Variants in GPR18 observed in about 807,000 individuals in gnomAD.
GPR18 encodes the protein N-arachidonyl glycine receptor.
In GPR18, 20 loss-of-function variants were observed where a neutral mutation model predicts 22.8. That is an observed-to-expected ratio of 0.88 (90% CI 0.62 to 1.28). GPR18 has a LOEUF of 1.28. Ranked by LOEUF, GPR18 falls within the 50% of genes most tolerant of loss-of-function variation. The pLI is 0.00. For missense variants in GPR18, 379 were observed against 412.0 expected (o/e 0.92, Z 0.69); for synonymous variants, 160 against 155.3 (o/e 1.03, Z -0.22).
Position 99,254,941 on chromosome 13 carries a change from C to T in GPR18, c.932G>A (p.Arg311His), listed in dbSNP as rs767096993. 8.7e-6 allele frequency: 14 copies of T among 1,613,916 alleles called. No individual in the cohort carries two copies. Among genetic ancestry groups the T allele is most frequent in the South Asian group, 6.6e-5 (6 of 91,060 alleles). The change falls in exon 2 of 2, where the codon CGC becomes CAC. Residue 311 changes from arginine (R) to histidine (H), a missense_variant. By Grantham distance (29) the Arg-to-His change is conservative. Transcript: ENST00000397470. Reference protein sequence around the residue: ...MLYRNYLRSMRRKSFRSGSLR... With the variant: ...MLYRNYLRSMHRKSFRSGSLR... ...ACTACCAGATCGGAAACTTTTTCTGCGCATGCTTCGAAGGTAATTACGGTA... is the reference window on the plus strand; with the variant it reads ...ACTACCAGATCGGAAACTTTTTCTGTGCATGCTTCGAAGGTAATTACGGTA...
In GPR18 at chr13:99,255,516, T is replaced by C. The variant is rs758696917; in HGVS notation, c.357A>G (p.Arg119=). The C allele has an allele frequency of 1.5e-5, 24 of 1,614,196 alleles. No individual in the cohort carries two copies. The highest frequency in any genetic ancestry group is 2.0e-5 in the Non-Finnish European group (24 of 1,180,040). The part of the protein sequence containing the change: ...LWLLAFISAD[R]YMAIVQPKYA... The stretch of plus-strand genomic sequence containing the variant: ...ACTTCGGCTGTACAATGGCCATGTA[T>C]CTGTCAGCACTAATAAAGGCAAGAA... The change falls in exon 2 of 2, where the codon AGA becomes AGG. Residue 119 remains arginine (R), a synonymous_variant. Coordinates refer to ENST00000397470, the MANE Select transcript of GPR18 (RefSeq NM_001098200.2).
In GPR18 at chr13:99,255,298, A is replaced by G. The variant is rs766355278; in HGVS notation, c.575T>C (p.Leu192Pro). 3 of 1,614,052 alleles carry G rather than the reference A, an allele frequency of 1.9e-6. No homozygotes were observed. Among genetic ancestry groups the G allele is most frequent in the African/African-American group, 2.7e-5 (2 of 74,908 alleles). Residue 192 changes from leucine to proline, a missense_variant, in exon 2 of 2, where the codon CTG becomes CCG. Coordinates refer to ENST00000397470, the MANE Select transcript of GPR18 (RefSeq NM_001098200.2). ...CAAAGGAATCAAGAAAAAAAATGTC[A>G]GTCGAGTGAGGTTCAGCACGTTCAC... ...KAVNVLNLTRLTFFFLIPLFI... is the reference protein window; with the variant it reads ...KAVNVLNLTRPTFFFLIPLFI...
At position 99,255,843 on chromosome 13, in the gene GPR18, A is replaced by G; in HGVS notation, c.30T>C (p.Pro10=). The G allele has an allele frequency of 6.3e-7, 1 of 1,596,166 alleles. No homozygotes were observed. Among genetic ancestry groups the G allele is most frequent in the Non-Finnish European group, 8.5e-7 (1 of 1,171,790 alleles). Residue 10 remains proline (P), a synonymous_variant, in exon 2 of 2, where the codon CCT becomes CCC. Transcript: ENST00000397470. MITLNNQDQ[P]VPFNSSHPDE... ...CTGGATGTGAGCTGTTAAAAGGGAC[A>G]GGTTGATCTTGATTGTTCAGGGTGA... is the stretch of plus-strand genomic sequence containing the variant.
intron 1 of GPR18, among the ~76,000 whole-genome samples, chr13:99,257,116 T>C (rs1349954689): frequency 6.6e-6 from 1 of 152,180 alleles, no homozygotes; most frequent in Admixed American, 6.6e-5. Flanking sequence ...TTTCTTCCCT[T>C]CTTCTCCTTC....
At chr13:99,256,605 A>G (rs2043562780) in intron 1 of GPR18, 1 of 151,762 alleles carries the variant, frequency 6.6e-6, no homozygotes, top group Non-Finnish European at 1.5e-5. Flanking sequence ...AATTTTAACA[A>G]TTTTCAAAGT....
chr13:99,254,904 T>C lies in GPR18; in HGVS notation c.969A>G (p.Leu323=). Residue 323 remains leucine (L), a synonymous_variant, in exon 2 of 2, where the codon CTA becomes CTG. Transcript: ENST00000397470. Reference sequence around the variant, plus strand: ...ATAACATTTCACTGTTTATATTGCTTAGTGACCGTAGACTACCAGATCGGA... The same window carrying C: ...ATAACATTTCACTGTTTATATTGCTCAGTGACCGTAGACTACCAGATCGGA... ...KSFRSGSLRS[L]SNINSEML The C allele has an allele frequency of 6.2e-7, 1 of 1,613,772 alleles. No homozygotes were observed. Among genetic ancestry groups the C allele is most frequent in the Non-Finnish European group, 8.5e-7 (1 of 1,179,814 alleles).
Position 99,255,070 on chromosome 13 carries a change from C to T in GPR18, c.803G>A (p.Gly268Glu), listed in dbSNP as rs775154268. ...GTGENSYNPW[G>E]AFTTFLMNLS... ...GTTCATGAGGAAGGTGGTAAAGGCT[C>T]CCCAGGGATTGTAACTGTTCTCCCC... Residue 268 changes from glycine (G) to glutamate (E), a missense_variant, in exon 2 of 2, where the codon GGA (glycine) becomes GAA (glutamate). Coordinates refer to ENST00000397470, the MANE Select transcript of GPR18 (RefSeq NM_001098200.2). The T allele has an allele frequency of 8.1e-6, 13 of 1,614,024 alleles. No individual in the cohort carries two copies. Among genetic ancestry groups the T allele is most frequent in the East Asian group, 2.2e-5 (1 of 44,874 alleles).
chr13:99,254,969 G>T lies in GPR18; in HGVS notation c.904C>A (p.Leu302Ile), dbSNP rs367603189. 1.9e-6 allele frequency: 3 copies of T among 1,614,084 alleles called. No homozygotes were observed. In the African/African-American group the frequency reaches 4.0e-5, roughly 22 times the overall value. Reference sequence around the variant, plus strand: ...ATGCTTCGAAGGTAATTACGGTATAGCATGACACTAATGACTCGAGCCTGA... The same window carrying T: ...ATGCTTCGAAGGTAATTACGGTATATCATGACACTAATGACTCGAGCCTGA... ...QFQARVISVMLYRNYLRSMRR... is the reference protein window; with the variant it reads ...QFQARVISVMIYRNYLRSMRR... The change falls in exon 2 of 2, where the codon CTA (leucine) becomes ATA (isoleucine). Residue 302 changes from leucine (L) to isoleucine (I), a missense_variant. Physicochemically the swap from Leu to Ile is conservative, Grantham distance 5. Transcript: ENST00000397470.
At chr13:99,257,380 G>A (rs1400126046) in intron 1 of GPR18, among the ~76,000 whole-genome samples, 5 of 152,022 alleles carry the variant, frequency 3.3e-5, no homozygotes, top group African/African-American at 1.2e-4. Context: ...TTTTGTATTT[G>A]TTTTTCTTTT....
rs538186904 is a variant in GPR18 at position 99,255,542 on chromosome 13, G to A, written c.331C>T (p.Leu111Phe). ...CTGTCAGCACTAATAAAGGCAAGAA[G>A]CCATAAAGCAATGCTTGGGTAAAAC... ...TVFYPSIALW[L>F]LAFISADRYM... The change falls in exon 2 of 2, where the codon CTT (leucine) becomes TTT (phenylalanine). Residue 111 changes from leucine to phenylalanine, a missense_variant. Coordinates refer to ENST00000397470, the MANE Select transcript of GPR18 (RefSeq NM_001098200.2). 1.2e-5 allele frequency: 20 copies of A among 1,614,178 alleles called. No homozygotes were observed. In the Admixed American group the frequency reaches 1.3e-4, roughly 11 times the overall value.
chr13:99,255,545 A>G lies in GPR18; in HGVS notation c.328T>C (p.Trp110Arg), dbSNP rs775292571. 7 of 1,614,234 alleles carry G rather than the reference A, an allele frequency of 4.3e-6. No homozygotes were observed. In the East Asian group the frequency reaches 8.9e-5, roughly 21 times the overall value. The change falls in exon 2 of 2, where the codon TGG becomes CGG. Residue 110 changes from tryptophan to arginine, a missense_variant. By Grantham distance (101) the Trp-to-Arg change is moderately radical (BLOSUM62 -3). Coordinates refer to ENST00000397470, the MANE Select transcript of GPR18 (RefSeq NM_001098200.2). ...TCAGCACTAATAAAGGCAAGAAGCC[A>G]TAAAGCAATGCTTGGGTAAAACACT... Reference protein sequence around the residue: ...LTVFYPSIALWLLAFISADRY... With the variant: ...LTVFYPSIALRLLAFISADRY...
chr13:99,254,796 G>C lies in GPR18; in HGVS notation c.*81C>G. The C allele has an allele frequency of 9.6e-7, 1 of 1,043,812 alleles. No homozygotes were observed. Among genetic ancestry groups the C allele is most frequent in the African/African-American group, 1.6e-5 (1 of 62,690 alleles). 64.7% of individuals were successfully genotyped at this position (1,043,812 alleles called of 1,614,324 possible). On this transcript the variant is annotated 3_prime_UTR_variant, in exon 2 of 2. Coordinates refer to ENST00000397470, the MANE Select transcript of GPR18 (RefSeq NM_001098200.2). ...TTTTCAAGAGAAAAGGGACTTGATA[G>C]TATTATACAGAATATCCATTGACGC...
Position 99,255,558 on chromosome 13 carries a change from T to A in GPR18, c.315A>T (p.Pro105=). ...QILGALTVFY[P]SIALWLLAFI... is the part of the protein sequence containing the mutation. The stretch of plus-strand genomic sequence containing the variant: ...AGGCAAGAAGCCATAAAGCAATGCT[T>A]GGGTAAAACACTGTGAGAGCTCCAA... Residue 105 remains proline (P), a synonymous_variant, in exon 2 of 2, where the codon CCA becomes CCT. Coordinates refer to ENST00000397470, the MANE Select transcript of GPR18 (RefSeq NM_001098200.2). 1 of 1,614,146 alleles carries A rather than the reference T, an allele frequency of 6.2e-7. No homozygotes were observed.
intron 1 of GPR18, among the ~76,000 whole-genome samples, chr13:99,257,183 A>T (rs1400075145): frequency 6.6e-6 from 1 of 152,156 alleles, no homozygotes; most frequent in Non-Finnish European, 1.5e-5. Context: ...CTATATATTT[A>T]AAAACATATT....
At position 99,255,533 on chromosome 13, in the gene GPR18, A is replaced by G; in HGVS notation, c.340T>C (p.Phe114Leu). 2 of 1,614,202 alleles carry G rather than the reference A, an allele frequency of 1.2e-6. No homozygotes were observed. Among genetic ancestry groups the G allele is most frequent in the South Asian group, 1.1e-5 (1 of 91,086 alleles). The part of the protein sequence containing the change: ...YPSIALWLLA[F>L]ISADRYMAIV... ...GCCATGTATCTGTCAGCACTAATAA[A>G]GGCAAGAAGCCATAAAGCAATGCTT... is the stretch of plus-strand genomic sequence containing the variant. The change falls in exon 2 of 2, where the codon TTT (phenylalanine) becomes CTT (leucine). Residue 114 changes from phenylalanine (F) to leucine (L), a missense_variant. By Grantham distance (22) the Phe-to-Leu change is conservative. Transcript: ENST00000397470.
At chr13:99,257,629 A>C (rs930835718) in intron 1 of GPR18, among the ~76,000 whole-genome samples, 1 of 152,226 alleles carries the variant, frequency 6.6e-6, no homozygotes, top group African/African-American at 2.4e-5. Flanking sequence ...TTTTTGGATA[A>C]ATATTGAAAA....
chr13:99,255,768 A>C lies in GPR18; in HGVS notation c.105T>G (p.Ile35Met). 3 of 1,613,978 alleles carry C rather than the reference A, an allele frequency of 1.9e-6. No individual in the cohort carries two copies. Among genetic ancestry groups the C allele is most frequent in the Non-Finnish European group, 2.5e-6 (3 of 1,179,922 alleles). Reference sequence around the variant, plus strand: ...ATGCAGTGATGTTAACAAATAATCCAATTATGAAGATACAGCTATAGAAGA... The same window carrying C: ...ATGCAGTGATGTTAACAAATAATCCCATTATGAAGATACAGCTATAGAAGA... ...ALVFYSCIFIIGLFVNITALW... is the reference protein window; with the variant it reads ...ALVFYSCIFIMGLFVNITALW... Residue 35 changes from isoleucine to methionine, a missense_variant, in exon 2 of 2, where the codon ATT (isoleucine) becomes ATG (methionine). Transcript: ENST00000397470.
rs757027038 is a variant in GPR18, at chr13:99,255,498, C to G, written c.375G>C (p.Gln125His). 1 of 1,614,126 alleles carries G rather than the reference C, an allele frequency of 6.2e-7. No individual in the cohort carries two copies. Among genetic ancestry groups the G allele is most frequent in the Non-Finnish European group, 8.5e-7 (1 of 1,180,042 alleles). Residue 125 changes from glutamine (Q) to histidine (H), a missense_variant, in exon 2 of 2, where the codon CAG becomes CAC. Physicochemically the swap from Gln to His is conservative, Grantham distance 24. Coordinates refer to ENST00000397470, the MANE Select transcript of GPR18 (RefSeq NM_001098200.2). ...ISADRYMAIV[Q>H]PKYAKELKNT... ...TTTTAAGTTCTTTGGCGTACTTCGG[C>G]TGTACAATGGCCATGTATCTGTCAG...
rs377064623 is a variant in GPR18, at chr13:99,255,301, C to G, written c.572G>C (p.Arg191Pro). The G allele has an allele frequency of 1.2e-6, 2 of 1,613,980 alleles. No homozygotes were observed. Among genetic ancestry groups the G allele is most frequent in the African/African-American group, 1.3e-5 (1 of 74,972 alleles). The change falls in exon 2 of 2, where the codon CGA (arginine) becomes CCA (proline). Residue 191 changes from arginine to proline, a missense_variant. Arg to Pro is a moderately radical substitution (Grantham distance 103). Coordinates refer to ENST00000397470, the MANE Select transcript of GPR18 (RefSeq NM_001098200.2). ...AGGAATCAAGAAAAAAAATGTCAGT[C>G]GAGTGAGGTTCAGCACGTTCACAGC... is the stretch of plus-strand genomic sequence containing the variant. ...LKAVNVLNLT[R>P]LTFFFLIPLF...
Sources: gnomAD v4.1 joint callset for allele counts (sites outside exome capture counted in the v4.1 genomes callset) on GRCh38, gnomAD v4.1.1 for gene constraint, MANE v1.5 for transcripts, NCBI Gene and HGNC (gene_info 2026-07-23, HGNC 2026-07-21) for gene names.